Variants in GOLGA4 observed in about 807,000 individuals in gnomAD.
GOLGA4 encodes golgin A4.
Under a neutral mutation model 265.9 loss-of-function variants are expected in GOLGA4, and 169 were observed. The ratio of observed to expected loss-of-function variants is 0.64; its 90% CI spans 0.56 to 0.72. The LOEUF (loss-of-function observed/expected upper bound fraction) is 0.72, where lower values mean the gene tolerates loss of function less well. Ranked by LOEUF, GOLGA4 falls within the 30% of genes least tolerant of loss-of-function variation. GOLGA4 has a pLI of 0.00. For missense variants in GOLGA4, 2,482 were observed against 2,483.4 expected (o/e 1.00, Z 0.01); for synonymous variants, 923 against 855.8 (o/e 1.08, Z -1.37).
chr3:37,304,780 C>T (rs1249138177), intron 10 of GOLGA4, among the ~76,000 whole-genome samples: 2 of 152,040 alleles, frequency 1.3e-5, no homozygotes, highest in South Asian at 4.1e-4. Flanking sequence ...CCAGTTAAAC[C>T]TTTAGTAGAA....
intron 2 of GOLGA4, among the ~76,000 whole-genome samples, chr3:37,265,812 G>C (rs753128101): frequency 6.6e-6 from 1 of 152,142 alleles, no homozygotes; most frequent in African/African-American, 2.4e-5. Flanking sequence ...TGAGGCAGGT[G>C]GATCGCTTGA....
At chr3:37,323,444 T>C in intron 13 of GOLGA4, 144 bp from the exon 14 acceptor site, 1 of 586,446 alleles carries the variant, frequency 1.7e-6, no homozygotes, top group Non-Finnish European at 3.0e-6. Context: ...ATTCCTTTAG[T>C]AATTGAGCAT....
In GOLGA4 at chr3:37,295,082, A is replaced by C. The variant is rs2150836083; in HGVS notation, c.681+5A>C. ...ATCAGTGTTCTCCAAACTCAGGTAA[A>C]AGAGTAAAAGAAAAAGTGTGGAATT... On this transcript the variant is annotated splice_donor_5th_base_variant and intron_variant, in intron 6 of 23. Transcript: ENST00000361924. 1 of 1,477,242 alleles carries C rather than the reference A, an allele frequency of 6.8e-7. No homozygotes were observed. Among genetic ancestry groups the C allele is most frequent in the East Asian group, 2.4e-5 (1 of 42,026 alleles). The allele number at this position is 1,477,242 out of a possible 1,614,324, so 91.5% of individuals were successfully genotyped here. A position where few individuals can be genotyped will look rare whatever the true frequency, so the allele number is the denominator to read the frequency against.
chr3:37,302,139 T>G (rs1328820429), intron 9 of GOLGA4, 46 bp from the exon 10 acceptor site: 10 of 1,548,566 alleles, frequency 6.5e-6, no homozygotes, highest in African/African-American at 1.4e-5. Context: ...CTGTTGATGA[T>G]GCAGTTTTGT....
Position 37,275,232 on chromosome 3 carries a change from A to G in GOLGA4, c.163-6726A>G, listed in dbSNP as rs1317291472. Among the ~76,000 whole-genome samples the G allele has an allele frequency of 1.5e-4, 22 of 149,988 alleles. 1 individual carries two copies. The highest frequency in any genetic ancestry group is 1.1e-3 in the Admixed American group (16 of 15,112). The stretch of plus-strand genomic sequence containing the variant: ...CTCCGTCTCAAAAAAAAAAAAAAAA[A>G]AAAAAAAAAGAAAAAAAAAACCCCA... On this transcript the variant is annotated intron_variant, in intron 2 of 23. Coordinates refer to ENST00000361924, the MANE Select transcript of GOLGA4 (RefSeq NM_002078.5).
intron 20 of GOLGA4, among the ~76,000 whole-genome samples, chr3:37,342,068 T>C (rs2097037169): frequency 6.6e-6 from 1 of 151,896 alleles, no homozygotes; most frequent in African/African-American, 2.4e-5. Flanking sequence ...TGAGGCCGGG[T>C]GGGGTGGCTC....
At chr3:37,360,388 CAG>C (rs1346970599) in intron 22 of GOLGA4, among the ~76,000 whole-genome samples, 1 of 152,082 alleles carries the variant, frequency 6.6e-6, no homozygotes, top group African/African-American at 2.4e-5. Flanking sequence ...ATACTTCTGC[CAG>C]AGAGGATATT....
chr3:37,365,775 G>A (rs1390040371), intron 23 of GOLGA4, among the ~76,000 whole-genome samples: 1 of 150,252 alleles, frequency 6.7e-6, no homozygotes, highest in Non-Finnish European at 1.5e-5. Context: ...ATACCTTTAA[G>A]ATTTAGTGTT....
At position 37,323,687 on chromosome 3, in the gene GOLGA4, C is replaced by T. The variant is rs367827056; in HGVS notation, c.1801C>T (p.His601Tyr). Residue 601 changes from histidine (H) to tyrosine (Y), a missense_variant, in exon 14 of 24, where the codon CAC (histidine) becomes TAC (tyrosine). Coordinates refer to ENST00000361924, the MANE Select transcript of GOLGA4 (RefSeq NM_002078.5). ...TCATCTGGAAGCTGAAAAAAATAAG[C>T]ACAATAAGGAGATTACAGTCATGGT... is the stretch of plus-strand genomic sequence containing the variant. The part of the protein sequence containing the change: ...AVHLEAEKNK[H>Y]NKEITVMVEK... 17 of 1,607,358 alleles carry T rather than the reference C, an allele frequency of 1.1e-5. No homozygotes were observed. The highest frequency in any genetic ancestry group is 1.4e-5 in the Non-Finnish European group (16 of 1,178,008).
rs1360716377 is a variant in GOLGA4, at chr3:37,325,772, A to T, written c.3886A>T (p.Thr1296Ser). The change falls in exon 14 of 24, where the codon ACT becomes TCT. Residue 1296 changes from threonine (T) to serine (S), a missense_variant. Thr to Ser is a moderately conservative substitution (Grantham distance 58). Transcript: ENST00000361924. Reference protein sequence around the residue: ...NTLNISFQQATHQLEEKENQI... With the variant: ...NTLNISFQQASHQLEEKENQI... ...ACTAAATATTTCTTTTCAACAGGCTACTCATCAGTTAGAAGAAAAAGAAAA... is the reference window on the plus strand; with the variant it reads ...ACTAAATATTTCTTTTCAACAGGCTTCTCATCAGTTAGAAGAAAAAGAAAA... 9 of 1,613,456 alleles carry T rather than the reference A, an allele frequency of 5.6e-6. No homozygotes were observed. The highest frequency in any genetic ancestry group is 7.6e-6 in the Non-Finnish European group (9 of 1,179,530).
chr3:37,275,879 AC>A, intron 2 of GOLGA4: 1 of 1,613,786 alleles, frequency 6.2e-7, no homozygotes, highest in South Asian at 1.1e-5. Flanking sequence ...TGAGGAAGTT[AC>A]ATCTTTGGCA....
intron 19 of GOLGA4, among the ~76,000 whole-genome samples, chr3:37,339,182 C>T (rs1426845092): frequency 6.6e-6 from 1 of 151,924 alleles, no homozygotes; most frequent in Non-Finnish European, 1.5e-5. Context: ...TTTTTTTCAG[C>T]TTAGCGTGAT....
At chr3:37,344,518 A>T (rs1487154953) in intron 20 of GOLGA4, among the ~76,000 whole-genome samples, 1 of 128,134 alleles carries the variant, frequency 7.8e-6, no homozygotes, top group African/African-American at 3.0e-5. Flanking sequence ...TTTTTGGTAG[A>T]GATGAGGTCT....
intron 13 of GOLGA4, among the ~76,000 whole-genome samples, chr3:37,323,116 CTTTTTTTTTTT>C (rs567838649): frequency 0.033 from 3,718 of 114,168 alleles, 153 homozygotes; most frequent in African/African-American, 0.11. Flanking sequence ...TTCCTTTTGT[CTTTTTTTTTTT>C]TTTTTTTTTT....
chr3:37,258,100 CTG>C (rs1461552375), intron 2 of GOLGA4, among the ~76,000 whole-genome samples: 1 of 127,454 alleles, frequency 7.8e-6, no homozygotes, highest in Non-Finnish European at 1.6e-5. Context: ...TATATATGCT[CTG>C]TATATATATA....
In GOLGA4 at chr3:37,361,320, A is replaced by G. The variant is rs535555376; in HGVS notation, c.*33+15A>G. 1.9e-6 allele frequency: 3 copies of G among 1,588,490 alleles called. No individual in the cohort carries two copies. Among genetic ancestry groups the G allele is most frequent in the Admixed American group, 1.7e-5 (1 of 59,882 alleles). ...GTTAACATGTGGTGAGTGAAGAACAATGTCTTGTGTCTTTTGTGCAAAAAT... is the reference window on the plus strand; with the variant it reads ...GTTAACATGTGGTGAGTGAAGAACAGTGTCTTGTGTCTTTTGTGCAAAAAT... On this transcript the variant is annotated intron_variant, in intron 23 of 23. Coordinates refer to ENST00000361924, the MANE Select transcript of GOLGA4 (RefSeq NM_002078.5).
At chr3:37,340,619 C>T (rs1392170881) in intron 20 of GOLGA4, among the ~76,000 whole-genome samples, 2 of 152,178 alleles carry the variant, frequency 1.3e-5, no homozygotes, top group Admixed American at 6.6e-5. Flanking sequence ...ATCTCCCACC[C>T]CCCACAGTCC....
Position 37,276,439 on chromosome 3 carries a change from G to C in GOLGA4, c.163-5519G>C, listed in dbSNP as rs567688216. ...CCAAAGAAGCCATCAGAGAGCATCAGATGGCCAAGACTGGTGGGACCCAGA... is the reference window on the plus strand; with the variant it reads ...CCAAAGAAGCCATCAGAGAGCATCACATGGCCAAGACTGGTGGGACCCAGA... On this transcript the variant is annotated intron_variant, in intron 2 of 23. Coordinates refer to ENST00000361924, the MANE Select transcript of GOLGA4 (RefSeq NM_002078.5). The C allele has an allele frequency of 8.4e-5, 136 of 1,610,170 alleles. 2 individuals are homozygous for C. In the South Asian group the frequency reaches 1.4e-3, roughly 17 times the overall value.
At chr3:37,296,017 T>C (rs2096877251) in intron 6 of GOLGA4, 70 bp from the exon 7 acceptor site, 2 of 1,384,158 alleles carry the variant, frequency 1.4e-6, no homozygotes, top group Non-Finnish European at 2.1e-6. Flanking sequence ...CCCCCACAGA[T>C]ACCAAGGGAC....
Sources: gnomAD v4.1 joint callset for allele counts (sites outside exome capture counted in the v4.1 genomes callset) on GRCh38, gnomAD v4.1.1 for gene constraint, MANE v1.5 for transcripts, NCBI Gene and HGNC (gene_info 2026-07-23, HGNC 2026-07-21) for gene names.